TNPO1: variants seen among roughly 807,000 people sequenced by gnomAD.
TNPO1 encodes the protein transportin 1, also known as transportin-1.
In TNPO1, 8 loss-of-function variants were observed where a neutral mutation model predicts 119.5. The observed-to-expected ratio is 0.07, with a 90% CI of 0.04 to 0.12. TNPO1 has a LOEUF of 0.12. Ranked by LOEUF, TNPO1 falls within the 10% of genes least tolerant of loss-of-function variation. TNPO1 has a pLI of 1.00. For synonymous variants in TNPO1, 362 were observed against 363.0 expected, an observed-to-expected ratio of 1.00 and a Z score of 0.03; for missense variants, 576 against 1,089.8, an observed-to-expected ratio of 0.53 and a Z score of 6.64.
rs1045727306 is a variant in TNPO1 at position 72,913,921 on chromosome 5, ATCACT to A, written c.*5252_*5256del. 3.9e-5 allele frequency: 6 copies of A among 152,614 alleles called. 1 individual carries two copies. The highest frequency in any genetic ancestry group is 2.6e-4 in the Admixed American group (4 of 15,278). 9.5% of individuals were successfully genotyped at this position (152,614 alleles called of 1,614,324 possible). On this transcript the variant is annotated 3_prime_UTR_variant, in exon 25 of 25. Coordinates refer to ENST00000337273, the MANE Select transcript of TNPO1 (RefSeq NM_002270.4). ...GAGAAGAGATGTTTAAACGTGGTAA[ATCACT>A]TCATATTACAAAACAGTTTTACACT...
chr5:72,866,867 A>G (rs1746944256), intron 6 of TNPO1, among the ~76,000 whole-genome samples: 1 of 152,134 alleles, frequency 6.6e-6, no homozygotes, highest in African/African-American at 2.4e-5. Flanking sequence ...GTAGATGGTC[A>G]TTTGATTAAA....
chr5:72,894,145 G>T (rs1749251575), intron 18 of TNPO1, among the ~76,000 whole-genome samples: 1 of 152,140 alleles, frequency 6.6e-6, no homozygotes, highest in Non-Finnish European at 1.5e-5. Context: ...ACTGAGACTG[G>T]GCCTGGGGGC....
chr5:72,868,118 T>G (rs1192957403), intron 6 of TNPO1, among the ~76,000 whole-genome samples: 1 of 152,134 alleles, frequency 6.6e-6, no homozygotes, highest in Non-Finnish European at 1.5e-5. Flanking sequence ...GTTTAAAATG[T>G]TAAGGGCTTT....
chr5:72,845,961 A>G lies in TNPO1; in HGVS notation c.16-2424A>G, dbSNP rs140512986. Among the ~76,000 whole-genome samples, 21 of 152,246 alleles carry G rather than the reference A, an allele frequency of 1.4e-4. 1 individual carries two copies. The highest frequency in any genetic ancestry group is 5.1e-4 in the African/African-American group (21 of 41,542). Reference sequence around the variant, plus strand: ...TAGCAGCTCCAACTCTAATATTACTAAGGCTCAGACTTTAAGTTCCCCATC... The same window carrying G: ...TAGCAGCTCCAACTCTAATATTACTGAGGCTCAGACTTTAAGTTCCCCATC... On this transcript the variant is annotated intron_variant, in intron 1 of 24. Coordinates refer to ENST00000337273, the MANE Select transcript of TNPO1 (RefSeq NM_002270.4).
chr5:72,818,781 G>A (rs1435614639), intron 1 of TNPO1, among the ~76,000 whole-genome samples: 1 of 114,104 alleles, frequency 8.8e-6, no homozygotes, highest in Non-Finnish European at 2.1e-5. Context: ...GGATGAGAAA[G>A]CTGAGAGAAT....
At chr5:72,895,552 T>C (rs1469839296) in intron 18 of TNPO1, among the ~76,000 whole-genome samples, 2 of 152,046 alleles carry the variant, frequency 1.3e-5, no homozygotes, top group Non-Finnish European at 2.9e-5. Context: ...ACAGCTCCCC[T>C]TCCCCCCAAC....
In TNPO1 at chr5:72,910,033, T is replaced by C. The variant is rs1298129285; in HGVS notation, c.*1360T>C. On this transcript the variant is annotated 3_prime_UTR_variant, in exon 25 of 25. Transcript: ENST00000337273. ...ATTGTAGAAGTTGAAAAATGATTGC[T>C]ATATTTCAATGTTTATTCCCACTCA... is the stretch of plus-strand genomic sequence containing the variant. The C allele has an allele frequency of 6.6e-6, 1 of 152,646 alleles. No individual in the cohort carries two copies. The highest frequency in any genetic ancestry group is 1.5e-5 in the Non-Finnish European group (1 of 68,028). 9.5% of individuals were successfully genotyped at this position (152,646 alleles called of 1,614,324 possible). A position where few individuals can be genotyped will look rare whatever the true frequency, so the allele number is the denominator to read the frequency against.
intron 20 of TNPO1, among the ~76,000 whole-genome samples, chr5:72,897,416 C>G (rs1180017572): frequency 6.6e-6 from 1 of 151,920 alleles, no homozygotes; most frequent in Non-Finnish European, 1.5e-5. Flanking sequence ...TGGATCCCAG[C>G]AAAGATAACT....
At chr5:72,825,380 G>A (rs1744157376) in intron 1 of TNPO1, among the ~76,000 whole-genome samples, 1 of 152,214 alleles carries the variant, frequency 6.6e-6, no homozygotes, top group Admixed American at 6.5e-5. Flanking sequence ...TCATGAATAG[G>A]ATTGGTGCCC....
At chr5:72,817,736 G>T (rs188277338) in intron 1 of TNPO1, among the ~76,000 whole-genome samples, 140 of 152,286 alleles carry the variant, frequency 9.2e-4, no homozygotes, top group Non-Finnish European at 1.4e-3. Context: ...TTTTAAAATT[G>T]CAAGATGTAT....
rs1399918134 is a variant in TNPO1, at chr5:72,896,571, C to T, written c.2242+15C>T. On this transcript the variant is annotated intron_variant, in intron 19 of 24. Coordinates refer to ENST00000337273, the MANE Select transcript of TNPO1 (RefSeq NM_002270.4). ...CATTCAAATGGGTAAGATGTTTTTCCCTATTTAAAAGCATAAGGCCTGGCG... is the reference window on the plus strand; with the variant it reads ...CATTCAAATGGGTAAGATGTTTTTCTCTATTTAAAAGCATAAGGCCTGGCG... 1.2e-6 allele frequency: 2 copies of T among 1,604,654 alleles called. No homozygotes were observed. The highest frequency in any genetic ancestry group is 1.7e-5 in the Admixed American group (1 of 59,594).
chr5:72,835,085 G>A (rs1744643852), intron 1 of TNPO1, among the ~76,000 whole-genome samples: 1 of 152,082 alleles, frequency 6.6e-6, no homozygotes, highest in Non-Finnish European at 1.5e-5. Context: ...TACCATCTAA[G>A]TTCATGTAAG....
chr5:72,848,579 T>G, intron 2 of TNPO1, 81 bp downstream of exon 2: 1 of 769,170 alleles, frequency 1.3e-6, no homozygotes, highest in Non-Finnish European at 1.8e-6. Context: ...GGGGCTCCCG[T>G]CGCCTCCGCC....
rs1380908790 is a variant in TNPO1 at position 72,910,808 on chromosome 5, G to C, written c.*2135G>C. ...GTTACTATGTGTGTGTGTGTGTTTT[G>C]TTTTGTTTTGTTCTGTTTTTTAACG... On this transcript the variant is annotated 3_prime_UTR_variant, in exon 25 of 25. Transcript: ENST00000337273. 1 of 151,210 alleles carries C rather than the reference G, an allele frequency of 6.6e-6. No individual in the cohort carries two copies. The highest frequency in any genetic ancestry group is 1.5e-5 in the Non-Finnish European group (1 of 67,720). 9.4% of individuals were successfully genotyped at this position (151,210 alleles called of 1,614,324 possible). A position where few individuals can be genotyped will look rare whatever the true frequency, so the allele number is the denominator to read the frequency against.
intron 5 of TNPO1, among the ~76,000 whole-genome samples, chr5:72,863,499 C>T (rs1258641949): frequency 6.6e-6 from 1 of 152,056 alleles, no homozygotes; most frequent in Non-Finnish European, 1.5e-5. Flanking sequence ...GTGGCTCACA[C>T]CTGTAATCCC....
chr5:72,867,922 G>A (rs1010659756), intron 6 of TNPO1, among the ~76,000 whole-genome samples: 42 of 152,074 alleles, frequency 2.8e-4, no homozygotes, highest in Middle Eastern at 3.4e-3. Context: ...GTTTCATTAT[G>A]GTCTTGATAA....
intron 24 of TNPO1, among the ~76,000 whole-genome samples, chr5:72,906,289 T>C (rs1159331117): frequency 9.7e-5 from 11 of 113,068 alleles, no homozygotes; most frequent in Admixed American, 4.5e-4. Context: ...TTTTTTTTTT[T>C]TTTTTTTTTT....
At chr5:72,875,289 G>A (rs923027565) in intron 7 of TNPO1, among the ~76,000 whole-genome samples, 30 of 152,106 alleles carry the variant, frequency 2.0e-4, no homozygotes, top group Non-Finnish European at 1.8e-4. Flanking sequence ...AATCAGGGTT[G>A]GTAGGGAATA....
At chr5:72,900,112 C>A (rs781082642) in intron 21 of TNPO1, 31 bp downstream of exon 21, 6 of 1,547,172 alleles carry the variant, frequency 3.9e-6, no homozygotes, top group Non-Finnish European at 5.3e-6. Flanking sequence ...TTTTTTAATT[C>A]ATTTTTCTTC....
Sources: allele counts gnomAD v4.1 joint callset (sites outside exome capture counted in the v4.1 genomes callset), GRCh38; gene constraint gnomAD v4.1.1; transcripts MANE v1.5; gene names NCBI Gene and HGNC (gene_info 2026-07-23, HGNC 2026-07-21).